Variants in UGGT2 observed in about 807,000 individuals in gnomAD.
The protein encoded by UGGT2 is UDP-glucose glycoprotein glucosyltransferase 2, also known as UDP-glucose:glycoprotein glucosyltransferase 2.
Under a neutral mutation model 192.1 loss-of-function variants are expected in UGGT2, and 180 were observed. The observed-to-expected ratio is 0.94, with a 90% CI of 0.83 to 1.06. The LOEUF (loss-of-function observed/expected upper bound fraction) is 1.06. Among genes scored for constraint, UGGT2 ranks in the 50% least tolerant of loss-of-function variants. The pLI is 0.00. For missense variants in UGGT2, 1,849 were observed against 1,795.7 expected, an observed-to-expected ratio of 1.03 and a Z score of -0.54; for synonymous variants, 580 against 591.0, an observed-to-expected ratio of 0.98 and a Z score of 0.27.
intron 30 of UGGT2, among the ~76,000 whole-genome samples, 154 bp from the exon 31 acceptor site, chr13:95,863,868 TAAAC>T (rs892577296): frequency 6.6e-6 from 1 of 152,220 alleles, no homozygotes; most frequent in Non-Finnish European, 1.5e-5. Flanking sequence ...CACAATGTTG[TAAAC>T]AATCTGGTCT....
intron 20 of UGGT2, among the ~76,000 whole-genome samples, chr13:95,915,953 T>C (rs1244365488): frequency 6.6e-6 from 1 of 152,288 alleles, no homozygotes. Context: ...TGCAGTTCGG[T>C]TGACTCAGCT....
chr13:95,947,914 C>G, intron 14 of UGGT2, 82 bp downstream of exon 14: 2 of 1,168,234 alleles, frequency 1.7e-6, no homozygotes, highest in South Asian at 2.7e-5. Context: ...TTTGAATGCC[C>G]TATTAATACT....
intron 17 of UGGT2, among the ~76,000 whole-genome samples, chr13:95,930,843 T>C (rs977024195): frequency 1.3e-5 from 2 of 152,116 alleles, no homozygotes; most frequent in Non-Finnish European, 2.9e-5. Context: ...TTCTGGTGGG[T>C]TGGTGGTCTC....
intron 37 of UGGT2, among the ~76,000 whole-genome samples, chr13:95,834,082 C>T (rs1001727719): frequency 2.6e-5 from 4 of 152,028 alleles, no homozygotes; most frequent in Non-Finnish European, 5.9e-5. Flanking sequence ...CACAATTTTC[C>T]TTGCAGAAAT....
intron 12 of UGGT2, among the ~76,000 whole-genome samples, chr13:95,966,576 G>T (rs1425543562): frequency 2.6e-5 from 4 of 152,086 alleles, no homozygotes; most frequent in Non-Finnish European, 1.5e-5. Context: ...CCAACACATA[G>T]AAATGATAAA....
chr13:96,045,642 C>G (rs558528641), intron 1 of UGGT2, among the ~76,000 whole-genome samples: 3 of 152,208 alleles, frequency 2.0e-5, no homozygotes, highest in African/African-American at 7.2e-5. Flanking sequence ...GCAAAGTTTC[C>G]AGATACAAAA....
chr13:96,023,742 A>C lies in UGGT2; in HGVS notation c.259T>G (p.Tyr87Asp), dbSNP rs559172638. ...YKQTESDYSY[Y>D]NLILKKAGQF... ...CCAGCTTTCTTCAGGATTAAGTTGT[A>C]ATAAGAATAATCTGATTCTATAAAA... The change falls in exon 3 of 39, where the codon TAC becomes GAC. Residue 87 changes from tyrosine (Y) to aspartate (D), a missense_variant. Physicochemically the swap from Tyr to Asp is radical, Grantham distance 160. Coordinates refer to ENST00000376747, the MANE Select transcript of UGGT2 (RefSeq NM_020121.4). The C allele has an allele frequency of 2.6e-5, 41 of 1,601,070 alleles. No individual in the cohort carries two copies. In the South Asian group the frequency reaches 4.4e-4, roughly 17 times the overall value.
chr13:95,927,872 C>A (rs61972928), intron 17 of UGGT2, among the ~76,000 whole-genome samples: 1 of 152,010 alleles, frequency 6.6e-6, no homozygotes, highest in Non-Finnish European at 1.5e-5. Flanking sequence ...TGACTCTTAA[C>A]GAACATGCTG....
chr13:95,949,526 A>G, intron 12 of UGGT2, 72 bp from the exon 13 acceptor site: 9 of 1,304,884 alleles, frequency 6.9e-6, no homozygotes, highest in Admixed American at 2.9e-5. Context: ...GATTTTTACT[A>G]TATCGTGATA....
At chr13:95,893,076 T>C (rs1467320102) in intron 24 of UGGT2, among the ~76,000 whole-genome samples, 1 of 152,134 alleles carries the variant, frequency 6.6e-6, no homozygotes, top group Non-Finnish European at 1.5e-5. Context: ...GGAAAAAATA[T>C]AATTGTTTTT....
chr13:95,849,910 T>TA (rs1246478675), intron 36 of UGGT2, among the ~76,000 whole-genome samples: 1 of 130,272 alleles, frequency 7.7e-6, no homozygotes, highest in Non-Finnish European at 1.6e-5. Flanking sequence ...AATCCCTTAT[T>TA]GGTACACTGT....
At chr13:95,846,988 A>T (rs1350733433) in intron 36 of UGGT2, among the ~76,000 whole-genome samples, 1 of 145,224 alleles carries the variant, frequency 6.9e-6, no homozygotes, top group Non-Finnish European at 1.5e-5. Context: ...GGTTTTGTTG[A>T]TTTTCTCAAA....
intron 6 of UGGT2, among the ~76,000 whole-genome samples, chr13:95,997,056 TCTTA>T (rs1309789403): frequency 6.6e-6 from 1 of 152,184 alleles, no homozygotes; most frequent in East Asian, 1.9e-4. Context: ...GCTTACTCTT[TCTTA>T]CTTTTCTGAG....
intron 2 of UGGT2, among the ~76,000 whole-genome samples, chr13:96,028,184 C>A (rs2052724244): frequency 6.6e-6 from 1 of 152,212 alleles, no homozygotes; most frequent in Non-Finnish European, 1.5e-5. Context: ...AGATCTCTCA[C>A]TCATATATCA....
At chr13:95,940,216 T>A in intron 15 of UGGT2, 125 bp from the exon 16 acceptor site, 1 of 552,892 alleles carries the variant, frequency 1.8e-6, no homozygotes. Context: ...CATACACACA[T>A]ACCACATAAA....
chr13:95,971,915 T>C (rs2050785041), intron 11 of UGGT2, among the ~76,000 whole-genome samples: 1 of 152,168 alleles, frequency 6.6e-6, no homozygotes. Flanking sequence ...TCAACAAAAG[T>C]ATATTCAATT....
chr13:95,883,616 C>G (rs1167148965), intron 27 of UGGT2, among the ~76,000 whole-genome samples: 1 of 152,122 alleles, frequency 6.6e-6, no homozygotes, highest in Non-Finnish European at 1.5e-5. Flanking sequence ...TCCCCTCACA[C>G]TCCTGCTGTC....
In UGGT2 at chr13:95,887,810, C is replaced by A. The variant is rs765578913; in HGVS notation, c.3038+82G>T. The A allele has an allele frequency of 3.9e-4, 323 of 825,476 alleles. 1 individual carries two copies. The highest frequency in any genetic ancestry group is 8.4e-4 in the Admixed American group (33 of 39,306). 51.1% of individuals were successfully genotyped at this position (825,476 alleles called of 1,614,324 possible). Reference sequence around the variant, plus strand: ...AGCATCTTGTGAAGAAAAGAAAAAACCAGGTCCAGTAACAATGATTGTTTT... The same window carrying A: ...AGCATCTTGTGAAGAAAAGAAAAAAACAGGTCCAGTAACAATGATTGTTTT... On this transcript the variant is annotated intron_variant, in intron 26 of 38. Coordinates refer to ENST00000376747, the MANE Select transcript of UGGT2 (RefSeq NM_020121.4).
chr13:95,979,080 C>T (rs967152380), intron 10 of UGGT2, among the ~76,000 whole-genome samples: 61 of 152,174 alleles, frequency 4.0e-4, no homozygotes, highest in African/African-American at 1.3e-3. Flanking sequence ...GTTACCTGAC[C>T]ACCTGATCAT....
Sources: gnomAD v4.1 joint callset for allele counts (sites outside exome capture counted in the v4.1 genomes callset) on GRCh38, gnomAD v4.1.1 for gene constraint, MANE v1.5 for transcripts, NCBI Gene and HGNC (gene_info 2026-07-23, HGNC 2026-07-21) for gene names.